The following IGSF21 variants were observed in gnomAD, a reference collection of about 807,000 sequenced individuals.
The protein encoded by IGSF21 is immunoglobin superfamily member 21.
A neutral mutation model predicts 46.8 loss-of-function variants in IGSF21; 28 were observed. The observed-to-expected ratio is 0.60, with a 90% CI of 0.44 to 0.82. The LOEUF is 0.82. Ranked by LOEUF, IGSF21 falls within the 40% of genes least tolerant of loss-of-function variation. The pLI, the probability that IGSF21 is intolerant of heterozygous loss-of-function variation, is 0.00. For synonymous variants in IGSF21, 284 were observed against 273.6 expected, an observed-to-expected ratio of 1.04 and a Z score of -0.38; for missense variants, 624 against 665.5, an observed-to-expected ratio of 0.94 and a Z score of 0.69.
At chr1:18,137,146 T>G (rs2086374262) in intron 1 of IGSF21, among the ~76,000 whole-genome samples, 1 of 151,986 alleles carries the variant, frequency 6.6e-6, no homozygotes, top group Non-Finnish European at 1.5e-5. Context: ...TGGTGGAAAG[T>G]GAAGGGGGAG....
Position 18,333,647 on chromosome 1 carries a change from T to C in IGSF21, c.306-1245T>C, listed in dbSNP as rs772088171. ...CAGTAGGAGCAGAATTGGAACCTGG[T>C]TCTCTTTGACTCCATGTCAAGGCTC... On this transcript the variant is annotated intron_variant, in intron 3 of 9. Coordinates refer to ENST00000251296, the MANE Select transcript of IGSF21 (RefSeq NM_032880.5). Among the ~76,000 whole-genome samples, 10 of 152,312 alleles carry C rather than the reference T, an allele frequency of 6.6e-5. No individual in the cohort carries two copies. In the Middle Eastern group the frequency reaches 0.01, roughly 155 times the overall value.
At chr1:18,209,861 G>A (rs10907295) in intron 1 of IGSF21, among the ~76,000 whole-genome samples, 104,904 of 151,790 alleles carry the variant, frequency 0.69, 36,350 homozygotes, top group African/African-American at 0.72. Context: ...CCCCAGACAC[G>A]GTCCATGCAT....
chr1:18,348,170 T>G (rs1241288881), intron 4 of IGSF21, among the ~76,000 whole-genome samples: 1 of 152,176 alleles, frequency 6.6e-6, no homozygotes, highest in Non-Finnish European at 1.5e-5. Flanking sequence ...GGTCACACAG[T>G]GAGTAAGTGG....
At chr1:18,327,755 G>A (rs1427575761) in intron 3 of IGSF21, among the ~76,000 whole-genome samples, 1 of 152,162 alleles carries the variant, frequency 6.6e-6, no homozygotes, top group Non-Finnish European at 1.5e-5. Flanking sequence ...TTATAAAAGG[G>A]CACAAGGAGC....
At chr1:18,112,613 C>G (rs2086153719) in intron 1 of IGSF21, 1 of 152,298 alleles carries the variant, frequency 6.6e-6, no homozygotes, top group East Asian at 1.9e-4. Flanking sequence ...CTCTGACTCC[C>G]TGGCCTGTGC....
chr1:18,232,393 G>T (rs868196339), intron 2 of IGSF21, among the ~76,000 whole-genome samples: 1 of 152,018 alleles, frequency 6.6e-6, no homozygotes, highest in African/African-American at 2.4e-5. Flanking sequence ...TATTAATGCT[G>T]CTTATACTAA....
At chr1:18,271,592 C>T (rs561518496) in intron 2 of IGSF21, among the ~76,000 whole-genome samples, 6 of 152,316 alleles carry the variant, frequency 3.9e-5, no homozygotes, top group East Asian at 1.9e-4. Flanking sequence ...GGTACAAGTG[C>T]GGTTGCTGTG....
chr1:18,331,094 G>T (rs1213150548), intron 3 of IGSF21, among the ~76,000 whole-genome samples: 1 of 152,192 alleles, frequency 6.6e-6, no homozygotes, highest in Non-Finnish European at 1.5e-5. Context: ...CTATTTAGGA[G>T]ATTTTTATAT....
chr1:18,253,760 C>T (rs545594380), intron 2 of IGSF21, among the ~76,000 whole-genome samples: 108 of 152,290 alleles, frequency 7.1e-4, no homozygotes, highest in African/African-American at 2.4e-3. Context: ...GGAACAACCC[C>T]GCACAGTCAC....
chr1:18,157,205 G>T (rs1463033814), intron 1 of IGSF21, among the ~76,000 whole-genome samples: 1 of 152,214 alleles, frequency 6.6e-6, no homozygotes, highest in African/African-American at 2.4e-5. Context: ...GTGTTGCTCA[G>T]TCCAGGGCCC....
intron 4 of IGSF21, among the ~76,000 whole-genome samples, chr1:18,359,743 C>G (rs1308437414): frequency 6.6e-6 from 1 of 152,186 alleles, no homozygotes; most frequent in Non-Finnish European, 1.5e-5. Context: ...AACTGAGTAA[C>G]TAGAGCCACC....
intron 6 of IGSF21, among the ~76,000 whole-genome samples, chr1:18,369,885 C>T (rs1468941174): frequency 2.0e-5 from 3 of 152,298 alleles, no homozygotes; most frequent in Admixed American, 6.5e-5. Context: ...GTACCTTTCT[C>T]GTAATCTGGA....
chr1:18,355,661 A>G (rs2086008143), intron 4 of IGSF21, among the ~76,000 whole-genome samples: 1 of 151,952 alleles, frequency 6.6e-6, no homozygotes, highest in Non-Finnish European at 1.5e-5. Context: ...GTAGGGGCAG[A>G]GATCAGTGGA....
intron 3 of IGSF21, among the ~76,000 whole-genome samples, chr1:18,306,734 G>C (rs1010817818): frequency 6.6e-6 from 1 of 152,256 alleles, no homozygotes; most frequent in Non-Finnish European, 1.5e-5. Flanking sequence ...CTGTGACAGA[G>C]CCATAGGGTG....
chr1:18,253,223 T>G (rs560174041), intron 2 of IGSF21, among the ~76,000 whole-genome samples: 60 of 128,462 alleles, frequency 4.7e-4, no homozygotes, highest in Non-Finnish European at 9.4e-4. Flanking sequence ...TAAGATACAC[T>G]ATGCATCCTT....
intron 3 of IGSF21, among the ~76,000 whole-genome samples, chr1:18,297,067 A>T (rs749265582): frequency 6.6e-6 from 1 of 152,076 alleles, no homozygotes; most frequent in Non-Finnish European, 1.5e-5. Flanking sequence ...GTCAGCCCCA[A>T]CTGCTCAAGC....
chr1:18,230,960 G>A (rs1477080887), intron 2 of IGSF21, among the ~76,000 whole-genome samples: 1 of 151,636 alleles, frequency 6.6e-6, no homozygotes, highest in Non-Finnish European at 1.5e-5. Flanking sequence ...GAGCTGCCGA[G>A]TGCTGTTTGT....
chr1:18,339,814 G>A (rs994657681), intron 4 of IGSF21, among the ~76,000 whole-genome samples: 6 of 152,116 alleles, frequency 3.9e-5, no homozygotes, highest in Admixed American at 3.9e-4. Flanking sequence ...GAACATGTAG[G>A]AGTCTGGAAG....
intron 1 of IGSF21, among the ~76,000 whole-genome samples, chr1:18,155,085 T>C (rs1009167161): frequency 6.6e-6 from 1 of 151,708 alleles, no homozygotes; most frequent in African/African-American, 2.4e-5. Context: ...TTCCAGGATT[T>C]TTGTAGATTC....
Sources: allele counts gnomAD v4.1 joint callset (sites outside exome capture counted in the v4.1 genomes callset), GRCh38; gene constraint gnomAD v4.1.1; transcripts MANE v1.5; gene names NCBI Gene and HGNC (gene_info 2026-07-23, HGNC 2026-07-21).